SCML4: variants seen among roughly 807,000 people sequenced by gnomAD.
The protein encoded by SCML4 is Scm polycomb group protein like 4, also known as sex comb on midleg-like protein 4.
Under a neutral mutation model 41.1 loss-of-function variants are expected in SCML4, and 34 were observed. The observed-to-expected ratio is 0.83, with a 90% CI of 0.63 to 1.10. The LOEUF (loss-of-function observed/expected upper bound fraction) is 1.10, where lower values mean the gene tolerates loss of function less well. Among genes scored for constraint, SCML4 ranks in the 50% least tolerant of loss-of-function variants. The pLI is 0.00. For synonymous variants in SCML4, 214 were observed against 220.9 expected (o/e 0.97, Z 0.28); for missense variants, 522 against 534.1 (o/e 0.98, Z 0.22).
Position 107,750,107 on chromosome 6 carries a change from G to A in SCML4, c.157-294C>T, listed in dbSNP as rs79177588. ...GTGTGAAGAGTTGGCATCCATGAAC[G>A]CTTTGAGTGCAGAATGCAGGATAGG... is the stretch of plus-strand genomic sequence containing the variant. On this transcript the variant is annotated intron_variant, in intron 2 of 7. Transcript: ENST00000369020. Among the ~76,000 whole-genome samples the A allele has an allele frequency of 5.1e-3, 776 of 152,312 alleles. 11 individuals carry two copies. The East Asian group carries it at 0.064, about 13-fold the overall frequency.
the SCML4 span, among the ~76,000 whole-genome samples, chr6:107,843,626 GC>G: frequency 6.6e-6 from 1 of 152,204 alleles, no homozygotes; most frequent in South Asian, 2.1e-4. Context: ...CACTGGCCCT[GC>G]CGGTAACATT....
intron 2 of SCML4, among the ~76,000 whole-genome samples, chr6:107,755,325 G>T (rs1779014260): frequency 6.6e-6 from 1 of 152,160 alleles, no homozygotes; most frequent in African/African-American, 2.4e-5. Context: ...GCAACTATGG[G>T]TAGTATATGG....
chr6:107,760,107 ATT>A (rs1779466380), intron 2 of SCML4, among the ~76,000 whole-genome samples: 1 of 152,196 alleles, frequency 6.6e-6, no homozygotes. Flanking sequence ...ACATTAAAGA[ATT>A]TGAGTCAAAA....
chr6:107,762,860 A>G (rs1402394142), intron 2 of SCML4, among the ~76,000 whole-genome samples: 3 of 144,610 alleles, frequency 2.1e-5, no homozygotes, highest in African/African-American at 7.6e-5. Context: ...TATCAGCCCT[A>G]GAAAATAAAT....
At chr6:107,759,517 G>C (rs978540735) in intron 2 of SCML4, among the ~76,000 whole-genome samples, 7 of 152,160 alleles carry the variant, frequency 4.6e-5, no homozygotes, top group Non-Finnish European at 1.0e-4. Context: ...TGGATTCAGG[G>C]TGTACTTTGA....
At chr6:107,817,293 G>C (rs1452656631) in intron 1 of SCML4, among the ~76,000 whole-genome samples, 1 of 152,122 alleles carries the variant, frequency 6.6e-6, no homozygotes, top group Admixed American at 6.6e-5. Context: ...TGCTTCCAGG[G>C]AAATGCATAT....
At chr6:107,751,778 G>A (rs1454270278) in intron 2 of SCML4, among the ~76,000 whole-genome samples, 1 of 152,000 alleles carries the variant, frequency 6.6e-6, no homozygotes, top group Non-Finnish European at 1.5e-5. Context: ...TGGGATTACA[G>A]GTGCCCGCCA....
chr6:107,781,044 G>A (rs1045026463), intron 1 of SCML4, among the ~76,000 whole-genome samples: 2 of 152,002 alleles, frequency 1.3e-5, no homozygotes, highest in Admixed American at 1.3e-4. Context: ...AGGGTGAATA[G>A]AATAAAAGTG....
chr6:107,739,259 A>T (rs1314117386), intron 5 of SCML4, among the ~76,000 whole-genome samples: 1 of 152,064 alleles, frequency 6.6e-6, no homozygotes, highest in Non-Finnish European at 1.5e-5. Flanking sequence ...ATTTAATTCA[A>T]TCTACCTTTT....
rs1546960 is a variant in SCML4 at position 107,705,251 on chromosome 6, A to G, written c.1194T>C (p.Pro398=). 0.91 allele frequency: 1,416,557 copies of G among 1,550,988 alleles called. 647,299 individuals carry two copies. The highest frequency in any genetic ancestry group is 0.94 in the South Asian group (78,841 of 84,042). The change falls in exon 8 of 8, where the codon CCT becomes CCC. Residue 398 remains proline (P), a synonymous_variant. Transcript: ENST00000369020. ...VMKYLGLKLG[P]ALKLCYHIDK... is the part of the protein sequence containing the mutation. The stretch of plus-strand genomic sequence containing the variant: ...CAATGTGGTAGCAGAGTTTCAGTGC[A>G]GGTCCCAGCTTCAGGCCCAGGTACT...
At chr6:107,824,835 T>C (rs146916579), upstream of SCML4, among the ~76,000 whole-genome samples, 1 of 152,224 alleles carries the variant, frequency 6.6e-6, no homozygotes, top group East Asian at 1.9e-4. Flanking sequence ...CAAAAAGAAA[T>C]ATTACAATAG....
At chr6:107,790,399 T>C (rs775739435) in intron 1 of SCML4, among the ~76,000 whole-genome samples, 1 of 152,160 alleles carries the variant, frequency 6.6e-6, no homozygotes, top group South Asian at 2.1e-4. Flanking sequence ...CACTTCTTAG[T>C]TGCAAAAAGA....
intron 1 of SCML4, among the ~76,000 whole-genome samples, chr6:107,782,512 G>A (rs545704476): frequency 1.6e-4 from 25 of 152,370 alleles, no homozygotes; most frequent in Non-Finnish European, 3.1e-4. Flanking sequence ...GAGATTGCAC[G>A]TGGGGCCCTG....
rs188503189 is a variant in SCML4, at chr6:107,737,931, A to T, written c.682+7018T>A. On this transcript the variant is annotated intron_variant, in intron 5 of 7. Transcript: ENST00000369020. ...GAATTTAGCTTAATTAATTTTTTTT[A>T]AAAAAAGAAATGCAGGCTTTCAGGC... Among the ~76,000 whole-genome samples the T allele has an allele frequency of 4.4e-3, 666 of 152,128 alleles. 8 individuals are homozygous for T. The East Asian group carries it at 0.053, about 12-fold the overall frequency.
rs72949515 is a variant in SCML4, at chr6:107,706,603, G to A, written c.1119+1263C>T. Reference sequence around the variant, plus strand: ...CAAACCTGTGAATGTCAAGTTACACGGTGAAGGGGAATTAAGGTTGCAGAT... The same window carrying A: ...CAAACCTGTGAATGTCAAGTTACACAGTGAAGGGGAATTAAGGTTGCAGAT... On this transcript the variant is annotated intron_variant, in intron 7 of 7. Coordinates refer to ENST00000369020, the MANE Select transcript of SCML4 (RefSeq NM_198081.5). 3.3e-5 allele frequency among the ~76,000 whole-genome samples: 5 copies of A among 152,302 alleles called. No homozygotes were observed. In the East Asian group the frequency reaches 5.8e-4, roughly 18 times the overall value.
chr6:107,758,291 G>A (rs1427451839), intron 2 of SCML4, among the ~76,000 whole-genome samples: 1 of 152,202 alleles, frequency 6.6e-6, no homozygotes, highest in Non-Finnish European at 1.5e-5. Context: ...AGCTTTCCAG[G>A]CAGACAGAAC....
At chr6:107,742,800 G>A (rs954061433) in intron 5 of SCML4, among the ~76,000 whole-genome samples, 3 of 138,310 alleles carry the variant, frequency 2.2e-5, no homozygotes, top group Non-Finnish European at 4.8e-5. Flanking sequence ...AATGCTAAAG[G>A]CAGTTTTTCA....
the SCML4 span, among the ~76,000 whole-genome samples, chr6:107,839,341 A>AGAAAG: frequency 5.9e-3 from 76 of 12,930 alleles, 3 homozygotes; most frequent in Admixed American, 0.019. Flanking sequence ...GAGAGAGAGA[A>AGAAAG]AAAGAAAGAA....
At chr6:107,817,641 A>AAAAAAAAAAC (rs1784648930) in intron 1 of SCML4, among the ~76,000 whole-genome samples, 1 of 151,352 alleles carries the variant, frequency 6.6e-6, no homozygotes, top group Non-Finnish European at 1.5e-5. Context: ...AAAAAGAAAA[A>AAAAAAAAAAC]AAAAAATCAC....
Sources: gnomAD v4.1 joint callset for allele counts (sites outside exome capture counted in the v4.1 genomes callset) on GRCh38, gnomAD v4.1.1 for gene constraint, MANE v1.5 for transcripts, NCBI Gene and HGNC (gene_info 2026-07-23, HGNC 2026-07-21) for gene names.